The following SH2B2 variants were observed in gnomAD, a reference collection of about 807,000 sequenced individuals.
SH2B2 encodes SH2B adaptor protein 2, also known as SH2B adapter protein 2.
A neutral mutation model predicts 35.7 loss-of-function variants in SH2B2; 37 were observed. The observed-to-expected ratio is 1.04, with a 90% confidence interval of 0.80 to 1.36. SH2B2 has a LOEUF of 1.36. Ranked by LOEUF, SH2B2 falls within the 40% of genes most tolerant of loss-of-function variation. SH2B2 has a pLI of 0.00. For missense variants in SH2B2, 852 were observed against 817.7 expected, an observed-to-expected ratio of 1.04 and a Z score of -0.51; for synonymous variants, 383 against 376.4, an observed-to-expected ratio of 1.02 and a Z score of -0.20.
At chr7:102,291,874 G>A (rs1294230163) in intron 1 of SH2B2, among the ~76,000 whole-genome samples, 8 of 152,198 alleles carry the variant, frequency 5.3e-5, no homozygotes, top group Admixed American at 5.2e-4. Context: ...ACTCCAGGCC[G>A]GAGGGATGAC....
intron 3 of SH2B2, 111 bp from the exon 4 acceptor site, chr7:102,308,704 C>T (rs1554555332): frequency 2.5e-6 from 2 of 797,462 alleles, no homozygotes; most frequent in African/African-American, 1.7e-5. Flanking sequence ...GCCCTTGAGC[C>T]CTGCTGTGGG....
intron 1 of SH2B2, among the ~76,000 whole-genome samples, chr7:102,296,028 C>G (rs1260345364): frequency 6.6e-6 from 1 of 152,188 alleles, no homozygotes; most frequent in Non-Finnish European, 1.5e-5. Flanking sequence ...CTTCCAAACT[C>G]CCGACTCCCC....
chr7:102,301,212 GC>G lies in SH2B2; in HGVS notation c.664del (p.Arg222AlafsTer57). The stretch of plus-strand genomic sequence containing the variant: ...GGGGGCTCGGCTCAGTGGCAGAAGT[GC>G]CGCCTGCTCCTGCGCAGGGCTGTGG... Reference protein sequence around the residue: ...GSGGSAQWQKCRLLLRRAVAE... With the variant: ...GSGGSAQWQKXRLLLRRAVAE... On this transcript the variant is annotated frameshift_variant, in exon 2 of 9. Coordinates refer to ENST00000444095, the MANE Select transcript of SH2B2 (RefSeq NM_001359228.2). LOFTEE classifies it high-confidence loss of function. The G allele has an allele frequency of 6.3e-7, 1 of 1,595,096 alleles. No individual in the cohort carries two copies. The highest frequency in any genetic ancestry group is 1.4e-5 in the African/African-American group (1 of 73,702).
intron 1 of SH2B2, among the ~76,000 whole-genome samples, chr7:102,290,329 TCCGCTCCCTGCAACCTCCA>T (rs1176641339): frequency 8.6e-4 from 3 of 3,502 alleles, no homozygotes; most frequent in South Asian, 9.4e-3. Flanking sequence ...CCCTGCAACC[TCCGCTCCCTGCAACCTCCA>T]CCACCTCTGG....
intron 3 of SH2B2, among the ~76,000 whole-genome samples, chr7:102,307,300 GC>G (rs1793443100): frequency 6.6e-6 from 1 of 152,206 alleles, no homozygotes; most frequent in Non-Finnish European, 1.5e-5. Flanking sequence ...CCTTTCCCAG[GC>G]CCCACACCGC....
chr7:102,312,977 A>G (rs1793680954), intron 4 of SH2B2, among the ~76,000 whole-genome samples: 1 of 151,384 alleles, frequency 6.6e-6, no homozygotes, highest in Non-Finnish European at 1.5e-5. Context: ...TAAAAATACA[A>G]AATCAGCCGG....
In SH2B2 at chr7:102,317,133, T is replaced by C. The variant is rs781856012; in HGVS notation, c.1187-54T>C. ...CACCTCTCTTCTCACATTTATTTAT[T>C]TGTCCCCCTTTCTCCTTCCCCCCAT... is the stretch of plus-strand genomic sequence containing the variant. On this transcript the variant is annotated intron_variant, in intron 6 of 8. Transcript: ENST00000444095. 2.2e-6 allele frequency: 3 copies of C among 1,385,136 alleles called. No individual in the cohort carries two copies. In the East Asian group the frequency reaches 7.7e-5, roughly 35 times the overall value. 85.8% of individuals were successfully genotyped at this position (1,385,136 alleles called of 1,614,324 possible).
chr7:102,308,886 C>T lies in SH2B2; in HGVS notation c.903C>T (p.Ile301=), dbSNP rs541577307. The T allele has an allele frequency of 1.1e-5, 18 of 1,613,634 alleles. 1 individual carries two copies. Among genetic ancestry groups the T allele is most frequent in the African/African-American group, 9.3e-5 (7 of 75,046 alleles). The part of the protein sequence containing the change: ...SLQKHSWVAD[I]QGCVDPGDSE... The stretch of plus-strand genomic sequence containing the variant: ...AGAAGCACTCGTGGGTAGCTGACAT[C>T]CAGGGCTGCGTGGACCCCGGGTGAG... The change falls in exon 4 of 9, where the codon ATC becomes ATT. Residue 301 remains isoleucine, a synonymous_variant. Transcript: ENST00000444095.
intron 1 of SH2B2, among the ~76,000 whole-genome samples, chr7:102,293,350 A>G (rs1554552111): frequency 6.6e-6 from 1 of 151,092 alleles, no homozygotes; most frequent in Non-Finnish European, 1.5e-5. Context: ...TCGTGGGGTT[A>G]GGAGAGGCCG....
intron 2 of SH2B2, among the ~76,000 whole-genome samples, chr7:102,302,010 C>A (rs1201099083): frequency 6.6e-6 from 1 of 152,180 alleles, no homozygotes; most frequent in Non-Finnish European, 1.5e-5. Context: ...CCACACACAC[C>A]GCCACTCCCA....
intron 1 of SH2B2, among the ~76,000 whole-genome samples, chr7:102,292,681 G>T (rs554348816): frequency 6.6e-6 from 1 of 152,224 alleles, no homozygotes; most frequent in East Asian, 1.9e-4. Flanking sequence ...CCCCAGCCTG[G>T]GCCACAGAGT....
Position 102,300,605 on chromosome 7 carries a change from C to T in SH2B2, c.55C>T (p.Pro19Ser), listed in dbSNP as rs781887090. 1.9e-6 allele frequency: 3 copies of T among 1,551,138 alleles called. No individual in the cohort carries two copies. The change falls in exon 2 of 9, where the codon CCG becomes TCG. Residue 19 changes from proline to serine, a missense_variant. Transcript: ENST00000444095. ...AAAAPVPVPVPVPDWRQFCEL... is the reference protein window; with the variant it reads ...AAAAPVPVPVSVPDWRQFCEL... Reference sequence around the variant, plus strand: ...AGCCGCCCCGGTCCCAGTCCCGGTCCCGGTCCCGGACTGGCGGCAGTTCTG... The same window carrying T: ...AGCCGCCCCGGTCCCAGTCCCGGTCTCGGTCCCGGACTGGCGGCAGTTCTG...
At chr7:102,296,336 G>C (rs1792912225) in intron 1 of SH2B2, among the ~76,000 whole-genome samples, 1 of 152,208 alleles carries the variant, frequency 6.6e-6, no homozygotes, top group Admixed American at 6.5e-5. Flanking sequence ...CTGCGAGGGA[G>C]GGGCATTCCG....
intron 3 of SH2B2, among the ~76,000 whole-genome samples, chr7:102,308,253 C>T (rs1793476956): frequency 6.6e-6 from 1 of 152,252 alleles, no homozygotes; most frequent in African/African-American, 2.4e-5. Flanking sequence ...GCTCCTCTCC[C>T]TCACAGGGCC....
At chr7:102,312,478 G>C (rs1793665493) in intron 4 of SH2B2, among the ~76,000 whole-genome samples, 1 of 152,138 alleles carries the variant, frequency 6.6e-6, no homozygotes, top group Non-Finnish European at 1.5e-5. Flanking sequence ...GATCTAAAGG[G>C]AATAGACTGA....
intron 1 of SH2B2, chr7:102,293,316 G>A (rs1033530993): frequency 6.6e-6 from 1 of 151,328 alleles, no homozygotes; most frequent in South Asian, 2.1e-4. Context: ...GCTGGTGGCT[G>A]GGGTCTCTTG....
At position 102,300,770 on chromosome 7, in the gene SH2B2, G is replaced by C; in HGVS notation, c.220G>C (p.Gly74Arg). The C allele has an allele frequency of 6.5e-7, 1 of 1,531,656 alleles. No individual in the cohort carries two copies. Among genetic ancestry groups the C allele is most frequent in the Admixed American group, 2.0e-5 (1 of 49,506 alleles). 94.9% of individuals were successfully genotyped at this position (1,531,656 alleles called of 1,614,324 possible). A position where few individuals can be genotyped will look rare whatever the true frequency, so the allele number is the denominator to read the frequency against. The change falls in exon 2 of 9, where the codon GGC becomes CGC. Residue 74 changes from glycine to arginine, a missense_variant. By Grantham distance (125) the Gly-to-Arg change is moderately radical. Around this residue, in one of 3 missense-constraint regions of SH2B2, gnomAD observed 294 missense variants for 286.6 expected, o/e 1.03. Coordinates refer to ENST00000444095, the MANE Select transcript of SH2B2 (RefSeq NM_001359228.2). ...HFAANFLDVF[G>R]EEVRRVLVAG... ...CGCCGCCAACTTCCTGGACGTCTTC[G>C]GCGAGGAGGTGCGCCGCGTGCTGGT...
At chr7:102,317,128 T>C (rs1202185436) in intron 6 of SH2B2, 59 bp from the exon 7 acceptor site, 3 of 1,361,020 alleles carry the variant, frequency 2.2e-6, no homozygotes, top group East Asian at 5.2e-5. Context: ...CTCACATTTA[T>C]TTATTTGTCC....
chr7:102,319,454 G>A (rs1217202465), intron 7 of SH2B2, among the ~76,000 whole-genome samples: 10 of 152,102 alleles, frequency 6.6e-5, no homozygotes, highest in South Asian at 2.1e-4. Context: ...TGGCCAGGCT[G>A]GTCTTGAACT....
Sources: allele counts gnomAD v4.1 joint callset (sites outside exome capture counted in the v4.1 genomes callset), GRCh38; gene constraint gnomAD v4.1.1; regional missense constraint gnomAD v4.1.1; transcripts MANE v1.5; gene names NCBI Gene and HGNC (gene_info 2026-07-23, HGNC 2026-07-21).